The following MLLT3 variants were observed in gnomAD, a reference collection of about 807,000 sequenced individuals.
The protein encoded by MLLT3 is protein AF-9.
A neutral mutation model predicts 53.2 loss-of-function variants in MLLT3; 4 were observed. That is an observed-to-expected ratio of 0.08 (90% CI 0.04 to 0.17). The LOEUF (loss-of-function observed/expected upper bound fraction) is 0.17. Among genes scored for constraint, MLLT3 ranks in the 10% least tolerant of loss-of-function variants. The pLI is 1.00. For missense variants in MLLT3, 569 were observed against 684.0 expected (o/e 0.83, Z 1.87); for synonymous variants, 283 against 230.6 (o/e 1.23, Z -2.06).
At chr9:20,499,626 T>C (rs1404661250) in intron 2 of MLLT3, among the ~76,000 whole-genome samples, 2 of 152,194 alleles carry the variant, frequency 1.3e-5, no homozygotes, top group African/African-American at 4.8e-5. Context: ...TGGTCTTATT[T>C]CCCCAAAATA....
chr9:20,429,117 G>A (rs1823203705), intron 4 of MLLT3, among the ~76,000 whole-genome samples: 1 of 152,144 alleles, frequency 6.6e-6, no homozygotes, highest in Non-Finnish European at 1.5e-5. Flanking sequence ...AATCCCTGTG[G>A]TTTTAGGAGG....
At chr9:20,491,970 T>C (rs1404043924) in intron 2 of MLLT3, among the ~76,000 whole-genome samples, 1 of 152,086 alleles carries the variant, frequency 6.6e-6, no homozygotes, top group East Asian at 1.9e-4. Context: ...ATGTATGTTA[T>C]TAAATGAACA....
chr9:20,432,754 C>T (rs1392017548), intron 4 of MLLT3, among the ~76,000 whole-genome samples: 5 of 152,030 alleles, frequency 3.3e-5, no homozygotes, highest in African/African-American at 1.2e-4. Context: ...TAAACAAACA[C>T]ACTTGGGAAA....
chr9:20,346,626 G>C, intron 10 of MLLT3, 52 bp from the exon 11 acceptor site: 2 of 1,573,506 alleles, frequency 1.3e-6, no homozygotes, highest in Non-Finnish European at 1.7e-6. Flanking sequence ...AACATCAAAA[G>C]GCAAAGAGAG....
At chr9:20,348,493 T>C (rs773395514) in intron 10 of MLLT3, among the ~76,000 whole-genome samples, 3 of 152,206 alleles carry the variant, frequency 2.0e-5, no homozygotes, top group Admixed American at 6.5e-5. Flanking sequence ...ATACAGCTTA[T>C]GAAAGATGGA....
intron 2 of MLLT3, among the ~76,000 whole-genome samples, chr9:20,494,365 G>A (rs568234909): frequency 1.9e-4 from 29 of 152,134 alleles, no homozygotes; most frequent in Middle Eastern, 3.4e-3. Flanking sequence ...AAGCTTTAAA[G>A]ATGCTGATTT....
chr9:20,508,266 C>A (rs762017699), intron 2 of MLLT3, among the ~76,000 whole-genome samples: 1 of 152,306 alleles, frequency 6.6e-6, no homozygotes, highest in South Asian at 2.1e-4. Flanking sequence ...ACCTCTCACC[C>A]CACATTCCGC....
intron 7 of MLLT3, chr9:20,363,257 C>A (rs1466529510): frequency 4.2e-6 from 2 of 471,586 alleles, no homozygotes; most frequent in Admixed American, 3.9e-5. Context: ...GTGACTTTTT[C>A]CTATAAAAAT....
chr9:20,351,022 T>C (rs778585903), intron 10 of MLLT3, among the ~76,000 whole-genome samples: 8 of 152,172 alleles, frequency 5.3e-5, no homozygotes, highest in Non-Finnish European at 8.8e-5. Flanking sequence ...TACTATGGTC[T>C]GGAAAGCACG....
chr9:20,482,713 A>T (rs1824694503), intron 2 of MLLT3, among the ~76,000 whole-genome samples: 1 of 152,232 alleles, frequency 6.6e-6, no homozygotes, highest in Non-Finnish European at 1.5e-5. Context: ...TAAGATAATT[A>T]GTATAAGAGG....
chr9:20,569,557 A>G (rs1276487262), intron 2 of MLLT3, among the ~76,000 whole-genome samples: 3 of 152,210 alleles, frequency 2.0e-5, no homozygotes, highest in Admixed American at 1.3e-4. Flanking sequence ...GAAATCTACT[A>G]CAACATACTT....
chr9:20,593,692 C>T (rs1178348888), intron 2 of MLLT3, among the ~76,000 whole-genome samples: 4 of 152,138 alleles, frequency 2.6e-5, no homozygotes, highest in Admixed American at 2.6e-4. Context: ...TGATCTCTGG[C>T]TGTGACTCAG....
chr9:20,381,538 C>T (rs1821908055), intron 5 of MLLT3, among the ~76,000 whole-genome samples: 1 of 151,832 alleles, frequency 6.6e-6, no homozygotes, highest in South Asian at 2.1e-4. Flanking sequence ...TGTATATTAA[C>T]CTGTAAACCA....
intron 5 of MLLT3, among the ~76,000 whole-genome samples, chr9:20,374,200 C>T (rs1269393165): frequency 6.6e-6 from 1 of 152,116 alleles, no homozygotes; most frequent in Non-Finnish European, 1.5e-5. Context: ...CTGGGCAACA[C>T]AGTGAGATCC....
intron 2 of MLLT3, among the ~76,000 whole-genome samples, chr9:20,485,178 G>A (rs992703647): frequency 6.6e-6 from 1 of 151,852 alleles, no homozygotes; most frequent in Admixed American, 6.6e-5. Flanking sequence ...CAGTAGAGAC[G>A]GGGTTTCACC....
intron 4 of MLLT3, among the ~76,000 whole-genome samples, chr9:20,443,804 G>T (rs184572634): frequency 6.6e-6 from 1 of 152,138 alleles, no homozygotes; most frequent in Admixed American, 6.5e-5. Context: ...ATGGTTACAC[G>T]TTCCCTATGA....
chr9:20,384,033 C>T (rs1054462478), intron 5 of MLLT3, among the ~76,000 whole-genome samples: 1 of 151,876 alleles, frequency 6.6e-6, no homozygotes, highest in Non-Finnish European at 1.5e-5. Context: ...GAAGTTTTTC[C>T]TTTTGCAGAA....
intron 5 of MLLT3, among the ~76,000 whole-genome samples, chr9:20,408,087 A>T (rs760283570): frequency 6.6e-6 from 1 of 152,192 alleles, no homozygotes; most frequent in Non-Finnish European, 1.5e-5. Flanking sequence ...GGCTCAATAC[A>T]TGTCAGTGGA....
At chr9:20,594,766 G>A (rs919839936) in intron 2 of MLLT3, among the ~76,000 whole-genome samples, 2 of 152,092 alleles carry the variant, frequency 1.3e-5, no homozygotes, top group Admixed American at 6.6e-5. Flanking sequence ...TAATTATAAC[G>A]CATTAGCATG....
Sources: gnomAD v4.1 joint callset for allele counts (sites outside exome capture counted in the v4.1 genomes callset) on GRCh38, gnomAD v4.1.1 for gene constraint, MANE v1.5 for transcripts, NCBI Gene and HGNC (gene_info 2026-07-23, HGNC 2026-07-21) for gene names.